RAPGEF4: variants seen among roughly 807,000 people sequenced by gnomAD.
RAPGEF4 encodes Rap guanine nucleotide exchange factor 4.
A neutral mutation model predicts 147.9 loss-of-function variants in RAPGEF4; 66 were observed. That is an observed-to-expected ratio of 0.45 (90% CI 0.37 to 0.55). The LOEUF is 0.55. Ranked by LOEUF, RAPGEF4 falls within the 20% of genes least tolerant of loss-of-function variation. RAPGEF4 has a pLI of 0.00. For synonymous variants in RAPGEF4, 419 were observed against 442.7 expected (o/e 0.95, Z 0.67); for missense variants, 1,071 against 1,257.3 (o/e 0.85, Z 2.24).
intron 4 of RAPGEF4, among the ~76,000 whole-genome samples, chr2:172,836,934 G>A (rs374809449): frequency 6.6e-6 from 1 of 152,330 alleles, no homozygotes. Flanking sequence ...AGAGATTTGT[G>A]AAGTGTTTGA....
intron 1 of RAPGEF4, among the ~76,000 whole-genome samples, chr2:172,777,519 T>C (rs892546855): frequency 2.0e-5 from 3 of 152,182 alleles, no homozygotes; most frequent in African/African-American, 7.2e-5. Context: ...CTAGGACCTA[T>C]TGTCTGCCAC....
Position 172,876,546 on chromosome 2 carries a change from T to C in RAPGEF4, c.445-41256T>C, listed in dbSNP as rs187772053. ...CTTTGGTTCTGTTTATATACTGGAT[T>C]ACATTTATTGATTTGCATGTGTTGA... On this transcript the variant is annotated intron_variant, in intron 4 of 30. Transcript: ENST00000397081. Among the ~76,000 whole-genome samples the C allele has an allele frequency of 2.9e-3, 437 of 152,338 alleles. 3 individuals carry two copies. Among genetic ancestry groups the C allele is most frequent in the African/African-American group, 0.01 (417 of 41,576 alleles).
At chr2:172,814,141 A>G in intron 3 of RAPGEF4, 138 bp from the exon 4 acceptor site, 5 of 843,462 alleles carry the variant, frequency 5.9e-6, no homozygotes, top group Non-Finnish European at 9.3e-6. Context: ...TCCGGTATAT[A>G]TATTTGTCAA....
intron 4 of RAPGEF4, among the ~76,000 whole-genome samples, chr2:172,818,236 C>G (rs921586509): frequency 6.6e-6 from 1 of 151,902 alleles, no homozygotes; most frequent in Admixed American, 6.6e-5. Flanking sequence ...GTACAGAGTA[C>G]ACTACTCAGG....
chr2:172,999,243 T>C (rs981390611), intron 16 of RAPGEF4, among the ~76,000 whole-genome samples: 2 of 152,232 alleles, frequency 1.3e-5, no homozygotes, highest in African/African-American at 4.8e-5. Context: ...CAGTTTTTCC[T>C]GATATTTTTT....
intron 3 of RAPGEF4, 38 bp from the exon 4 acceptor site, chr2:172,814,241 G>A (rs1455288437): frequency 1.3e-5 from 21 of 1,606,860 alleles, no homozygotes; most frequent in Non-Finnish European, 1.8e-5. Flanking sequence ...CCCATTAGAT[G>A]TTTAATTTTC....
chr2:173,014,957 A>G lies in RAPGEF4; in HGVS notation c.1809+343A>G, dbSNP rs1040981686. ...TGTCAGTACAGTCCTTATAATAAAA[A>G]TTTATTTACATCTCCTGAAGTAATC... On this transcript the variant is annotated intron_variant, in intron 18 of 30. Transcript: ENST00000397081. Among the ~76,000 whole-genome samples the G allele has an allele frequency of 1.3e-5, 2 of 152,194 alleles. 1 individual carries two copies. The highest frequency in any genetic ancestry group is 6.3e-3 in the Middle Eastern group (2 of 316).
rs552263541 is a variant in RAPGEF4 at position 172,928,534 on chromosome 2, T to G, written c.537+6234T>G. Among the ~76,000 whole-genome samples the G allele has an allele frequency of 1.5e-4, 23 of 152,304 alleles. No homozygotes were observed. In the East Asian group the frequency reaches 4.2e-3, roughly 28 times the overall value. ...CCGTGAGTTTGTTGGTGAAAGGAGA[T>G]GTATTGGGGTGATGATTCATTGCTA... On this transcript the variant is annotated intron_variant, in intron 6 of 30. Transcript: ENST00000397081.
intron 16 of RAPGEF4, among the ~76,000 whole-genome samples, chr2:172,998,969 A>G (rs193087093): frequency 4.2e-4 from 64 of 152,324 alleles, no homozygotes; most frequent in African/African-American, 1.5e-3. Flanking sequence ...GTCACCTCTA[A>G]AAGAGATGGA....
intron 3 of RAPGEF4, among the ~76,000 whole-genome samples, chr2:172,808,264 A>C (rs1198935331): frequency 1.3e-5 from 2 of 152,272 alleles, no homozygotes; most frequent in African/African-American, 4.8e-5. Context: ...CAGTGTACAT[A>C]ACTCAGACGT....
intron 6 of RAPGEF4, among the ~76,000 whole-genome samples, chr2:172,925,833 A>AGAAGGAAG (rs143264329): frequency 6.7e-6 from 1 of 148,984 alleles, no homozygotes; most frequent in African/African-American, 2.5e-5. Context: ...AAGAAAGGAA[A>AGAAGGAAG]GAAGGAAGGA....
At chr2:173,036,554 A>C in intron 28 of RAPGEF4, 74 bp from the exon 29 acceptor site, 1 of 1,145,788 alleles carries the variant, frequency 8.7e-7, no homozygotes, top group South Asian at 1.4e-5. Flanking sequence ...AGCATAATCT[A>C]ATGGTGCTAT....
chr2:172,859,248 G>T (rs1342822107), intron 4 of RAPGEF4, among the ~76,000 whole-genome samples: 2 of 152,158 alleles, frequency 1.3e-5, no homozygotes, highest in African/African-American at 4.8e-5. Context: ...TGAATAAAAT[G>T]AGAAAATAAA....
intron 30 of RAPGEF4, among the ~76,000 whole-genome samples, chr2:173,049,510 C>A (rs1685935078): frequency 6.6e-6 from 1 of 152,198 alleles, no homozygotes; most frequent in Non-Finnish European, 1.5e-5. Flanking sequence ...GCTACCAGTA[C>A]CGTCTCCTCC....
chr2:172,949,899 G>A (rs1048878308), intron 6 of RAPGEF4, among the ~76,000 whole-genome samples: 10 of 152,200 alleles, frequency 6.6e-5, no homozygotes, highest in Admixed American at 2.0e-4. Flanking sequence ...TTTTAAGGAT[G>A]TATCTACTGT....
At chr2:172,845,137 G>A (rs1208574716) in intron 4 of RAPGEF4, among the ~76,000 whole-genome samples, 2 of 152,222 alleles carry the variant, frequency 1.3e-5, no homozygotes, top group African/African-American at 4.8e-5. Context: ...TAGGGCATTT[G>A]CAATAGGGAT....
chr2:172,976,609 G>T (rs1054154133), intron 10 of RAPGEF4, among the ~76,000 whole-genome samples: 1 of 152,172 alleles, frequency 6.6e-6, no homozygotes, highest in African/African-American at 2.4e-5. Context: ...TATTTATAAT[G>T]TTGATTTCTC....
intron 4 of RAPGEF4, among the ~76,000 whole-genome samples, chr2:172,861,025 T>C (rs181412575): frequency 1.9e-4 from 29 of 152,358 alleles, no homozygotes; most frequent in Non-Finnish European, 3.7e-4. Flanking sequence ...AAATCTCTGA[T>C]TTCACAGTTT....
At chr2:173,021,051 G>T (rs575126985) in intron 23 of RAPGEF4, among the ~76,000 whole-genome samples, 1 of 152,292 alleles carries the variant, frequency 6.6e-6, no homozygotes, top group South Asian at 2.1e-4. Flanking sequence ...TCTAAAGCAA[G>T]ATATCACTAT....
Sources: allele counts gnomAD v4.1 joint callset (sites outside exome capture counted in the v4.1 genomes callset), GRCh38; gene constraint gnomAD v4.1.1; transcripts MANE v1.5; gene names NCBI Gene and HGNC (gene_info 2026-07-23, HGNC 2026-07-21).